DENND5A: variants seen among roughly 807,000 people sequenced by gnomAD.
DENND5A encodes the protein DENN domain-containing protein 5A.
Under a neutral mutation model 140.3 loss-of-function variants are expected in DENND5A, and 64 were observed. The ratio of observed to expected loss-of-function variants is 0.46; its 90% CI spans 0.37 to 0.56. DENND5A has a LOEUF of 0.56. DENND5A is among the 20% of genes least tolerant of loss of function. DENND5A has a pLI of 0.00. For missense variants in DENND5A, 1,292 were observed against 1,593.8 expected, an observed-to-expected ratio of 0.81 and a Z score of 3.22; for synonymous variants, 605 against 607.7, an observed-to-expected ratio of 1.00 and a Z score of 0.07.
At chr11:9,208,528 TATA>T (rs1849766851) in intron 1 of DENND5A, among the ~76,000 whole-genome samples, 1 of 152,336 alleles carries the variant, frequency 6.6e-6, no homozygotes, top group Admixed American at 6.5e-5. Context: ...GAGAAAAGTT[TATA>T]ATAACTCTAA....
At chr11:9,222,993 T>C (rs1407071602) in intron 1 of DENND5A, among the ~76,000 whole-genome samples, 1 of 152,210 alleles carries the variant, frequency 6.6e-6, no homozygotes, top group Non-Finnish European at 1.5e-5. Context: ...TTTGAACTAG[T>C]CAAAGAAAGA....
intron 4 of DENND5A, among the ~76,000 whole-genome samples, chr11:9,200,735 G>A (rs191774619): frequency 1.9e-3 from 283 of 152,306 alleles, no homozygotes; most frequent in Admixed American, 3.2e-3. Flanking sequence ...TATCTCCTTA[G>A]TTCTAACTGA....
chr11:9,250,736 G>A (rs544501698), intron 1 of DENND5A, among the ~76,000 whole-genome samples: 1 of 152,334 alleles, frequency 6.6e-6, no homozygotes, highest in East Asian at 1.9e-4. Flanking sequence ...TGTCAAAAGT[G>A]ATAGCTGAAC....
At chr11:9,170,378 C>T (rs185018458) in intron 9 of DENND5A, 1 of 777,496 alleles carries the variant, frequency 1.3e-6, no homozygotes, top group East Asian at 1.3e-4. Flanking sequence ...GATTTTAACC[C>T]ATCTGCAGCT....
In DENND5A at chr11:9,193,285, T is replaced by A. The variant is rs572182121; in HGVS notation, c.1137+209A>T. On this transcript the variant is annotated intron_variant, in intron 5 of 22. Coordinates refer to ENST00000328194, the MANE Select transcript of DENND5A (RefSeq NM_015213.4). The stretch of plus-strand genomic sequence containing the variant: ...AAATACAGAAATTACAATGTACATA[T>A]GTCAGTTGATAAAGATAATAAGTGT... Among the ~76,000 whole-genome samples the A allele has an allele frequency of 6.6e-5, 10 of 152,340 alleles. No individual in the cohort carries two copies. In the East Asian group the frequency reaches 1.5e-3, roughly 23 times the overall value.
At chr11:9,210,232 A>G (rs1449869583) in intron 1 of DENND5A, among the ~76,000 whole-genome samples, 1 of 152,228 alleles carries the variant, frequency 6.6e-6, no homozygotes, top group African/African-American at 2.4e-5. Context: ...TGGAAATTCA[A>G]ACAATATTAG....
intron 20 of DENND5A, 150 bp from the exon 21 acceptor site, chr11:9,142,995 T>TGGCTCAGAGCAGCTCCC (rs1270936733): frequency 1.0e-6 from 1 of 978,002 alleles, no homozygotes; most frequent in Non-Finnish European, 1.5e-6. Flanking sequence ...GCACAGTGCC[T>TGGCTCAGAGCAGCTCCC]GGCTCAGAGC....
Position 9,193,681 on chromosome 11 carries a change from TC to T in DENND5A, c.950-1del. The T allele has an allele frequency of 6.2e-7, 1 of 1,603,108 alleles. No homozygotes were observed. Among genetic ancestry groups the T allele is most frequent in the Non-Finnish European group, 8.5e-7 (1 of 1,175,720 alleles). On this transcript the variant is annotated splice_acceptor_variant, in intron 4 of 22. Transcript: ENST00000328194. LOFTEE classifies it high-confidence loss of function. The stretch of plus-strand genomic sequence containing the variant: ...CGCCACAGTCATCAGTCTCTGGTAA[TC>T]TGGGTCAACAACAACAAAAAAAGCA...
chr11:9,170,049 G>C (rs1011915843), intron 9 of DENND5A, 100 bp from the exon 10 acceptor site: 2 of 951,350 alleles, frequency 2.1e-6, no homozygotes, highest in South Asian at 2.8e-5. Context: ...GTCAATGCTG[G>C]ACACAGGAAA....
intron 10 of DENND5A, 54 bp downstream of exon 10, chr11:9,169,802 A>T: frequency 1.9e-6 from 2 of 1,060,876 alleles, no homozygotes; most frequent in South Asian, 2.5e-5. Flanking sequence ...GAGAAAGAGA[A>T]GGAGTGCACA....
At chr11:9,143,957 G>T in intron 19 of DENND5A, 140 bp downstream of exon 19, 2 of 960,458 alleles carry the variant, frequency 2.1e-6, no homozygotes, top group Non-Finnish European at 3.1e-6. Context: ...TGCCATATGT[G>T]TGAGGTGGCT....
At chr11:9,242,059 G>A (rs942332137) in intron 1 of DENND5A, among the ~76,000 whole-genome samples, 27 of 147,992 alleles carry the variant, frequency 1.8e-4, no homozygotes, top group Non-Finnish European at 3.3e-4. Context: ...TCTCCACCCT[G>A]CCCTAACATT....
intron 11 of DENND5A, among the ~76,000 whole-genome samples, chr11:9,162,125 A>C (rs1848003677): frequency 7.0e-6 from 1 of 142,972 alleles, no homozygotes; most frequent in African/African-American, 2.7e-5. Flanking sequence ...ACAACTCTTA[A>C]TATTTTGGCA....
rs548872084 is a variant in DENND5A, at chr11:9,140,347, T to C, written c.3681-493A>G. ...AGCTTGTCCAAGATCACATGGCTAG[T>C]AAATGGATAACTTGAGATCTGAACC... On this transcript the variant is annotated intron_variant, in intron 22 of 22. Transcript: ENST00000328194. The C allele has an allele frequency of 3.5e-4, 193 of 544,856 alleles. 4 individuals carry two copies. Among genetic ancestry groups the C allele is most frequent in the South Asian group, 2.9e-3 (182 of 62,390 alleles). The allele number at this position is 544,856 out of a possible 1,614,324, so 33.8% of individuals were successfully genotyped here.
chr11:9,209,773 T>C (rs1390977736), intron 1 of DENND5A, among the ~76,000 whole-genome samples: 1 of 151,980 alleles, frequency 6.6e-6, no homozygotes, highest in Non-Finnish European at 1.5e-5. Flanking sequence ...TTTAGTGAAA[T>C]GATTCACTCA....
In DENND5A at chr11:9,138,851, G is replaced by A. The variant is rs763380075; in HGVS notation, c.*820C>T. ...TTTTGTTTCAGGTGTTTTATTAAGT[G>A]GGCCATACTGTAGCTGGTTTCTAAG... On this transcript the variant is annotated 3_prime_UTR_variant, in exon 23 of 23. Coordinates refer to ENST00000328194, the MANE Select transcript of DENND5A (RefSeq NM_015213.4). The A allele has an allele frequency of 3.9e-5, 6 of 152,090 alleles. No homozygotes were observed. Among genetic ancestry groups the A allele is most frequent in the Non-Finnish European group, 7.3e-5 (5 of 68,030 alleles). 9.4% of individuals were successfully genotyped at this position (152,090 alleles called of 1,614,324 possible). A position where few individuals can be genotyped will look rare whatever the true frequency, so the allele number is the denominator to read the frequency against.
At chr11:9,153,675 A>T (rs1413267336) in intron 12 of DENND5A, among the ~76,000 whole-genome samples, 1 of 152,188 alleles carries the variant, frequency 6.6e-6, no homozygotes, top group Non-Finnish European at 1.5e-5. Context: ...AGTCATCACT[A>T]TAACAAGGAT....
At chr11:9,200,889 T>C (rs1206301500) in intron 4 of DENND5A, among the ~76,000 whole-genome samples, 1 of 152,214 alleles carries the variant, frequency 6.6e-6, no homozygotes, top group Non-Finnish European at 1.5e-5. Flanking sequence ...TTTAACAACA[T>C]TTATTGAGCA....
intron 15 of DENND5A, among the ~76,000 whole-genome samples, chr11:9,149,233 G>A (rs1847532242): frequency 6.6e-6 from 1 of 152,136 alleles, no homozygotes; most frequent in African/African-American, 2.4e-5. Context: ...AACAGTCTTG[G>A]GGGCTAGCTG....
Sources: gnomAD v4.1 joint callset for allele counts (sites outside exome capture counted in the v4.1 genomes callset) on GRCh38, gnomAD v4.1.1 for gene constraint, MANE v1.5 for transcripts, NCBI Gene and HGNC (gene_info 2026-07-23, HGNC 2026-07-21) for gene names.